LRP1B: variants seen among roughly 807,000 people sequenced by gnomAD.
LRP1B encodes LDL receptor related protein 1B, also known as low-density lipoprotein receptor-related protein 1B.
A neutral mutation model predicts 556.6 loss-of-function variants in LRP1B; 217 were observed. The observed-to-expected ratio is 0.39, with a 90% CI of 0.35 to 0.44. The LOEUF (loss-of-function observed/expected upper bound fraction) is 0.44, where lower values mean the gene tolerates loss of function less well. LRP1B is among the 20% of genes least tolerant of loss of function. The pLI is 1.00. For synonymous variants in LRP1B, 2,047 were observed against 1,865.8 expected, an observed-to-expected ratio of 1.10 and a Z score of -2.50; for missense variants, 5,053 against 5,620.8, an observed-to-expected ratio of 0.90 and a Z score of 3.23.
At chr2:140,572,048 A>G (rs954687083) in intron 43 of LRP1B, among the ~76,000 whole-genome samples, 1 of 151,756 alleles carries the variant, frequency 6.6e-6, no homozygotes, top group Non-Finnish European at 1.5e-5. Flanking sequence ...CTAAAAGAAA[A>G]CATAAAGGAA....
chr2:141,626,255 C>T (rs1370787192), intron 2 of LRP1B, among the ~76,000 whole-genome samples: 1 of 152,070 alleles, frequency 6.6e-6, no homozygotes, highest in East Asian at 1.9e-4. Context: ...AATTGGAATC[C>T]ATATGTTAAA....
intron 72 of LRP1B, among the ~76,000 whole-genome samples, chr2:140,363,620 C>G (rs950271277): frequency 6.6e-6 from 1 of 151,428 alleles, no homozygotes; most frequent in Non-Finnish European, 1.5e-5. Context: ...AAAACTGAAG[C>G]TGAAACTTAG....
Position 141,629,027 on chromosome 2 carries a change from C to T in LRP1B, c.206-148494G>A, listed in dbSNP as rs139970449. On this transcript the variant is annotated intron_variant, in intron 2 of 90. Transcript: ENST00000389484. ...CCAATCTGTATAAGCATTATCTCCA[C>T]GTATACATGAGAATCATAATGTCCA... Among the ~76,000 whole-genome samples the T allele has an allele frequency of 2.7e-3, 408 of 152,240 alleles. 2 individuals carry two copies. Among genetic ancestry groups the T allele is most frequent in the African/African-American group, 8.9e-3 (371 of 41,542 alleles).
chr2:140,843,226 G>A (rs1692176180), intron 29 of LRP1B, among the ~76,000 whole-genome samples: 1 of 151,396 alleles, frequency 6.6e-6, no homozygotes, highest in Non-Finnish European at 1.5e-5. Flanking sequence ...AAATTGTAAA[G>A]CATAGCCAAA....
intron 1 of LRP1B, among the ~76,000 whole-genome samples, chr2:142,071,468 C>A (rs1705306890): frequency 6.6e-6 from 1 of 151,702 alleles, no homozygotes; most frequent in Admixed American, 6.6e-5. Context: ...TAGACCTGTA[C>A]AGTTGGAAAT....
chr2:142,058,760 C>T (rs2104887483), intron 1 of LRP1B, among the ~76,000 whole-genome samples: 1 of 152,142 alleles, frequency 6.6e-6, no homozygotes, highest in Non-Finnish European at 1.5e-5. Flanking sequence ...TATAAACAAA[C>T]TGAAGATAAA....
chr2:140,433,832 TTTC>T (rs1686056575), intron 66 of LRP1B, among the ~76,000 whole-genome samples: 1 of 151,956 alleles, frequency 6.6e-6, no homozygotes, highest in Non-Finnish European at 1.5e-5. Flanking sequence ...CTGTTTTTTT[TTTC>T]TTCTTTTTTT....
At position 140,699,977 on chromosome 2, in the gene LRP1B, G is replaced by A. The variant is rs1468176745; in HGVS notation, c.6799+273C>T. The stretch of plus-strand genomic sequence containing the variant: ...AAAATGATTTTTCATGAATTTTAGT[G>A]CAGTTATTTATAAGAAACATTATGA... On this transcript the variant is annotated intron_variant, in intron 41 of 90. Transcript: ENST00000389484. Among the ~76,000 whole-genome samples, 8 of 148,734 alleles carry A rather than the reference G, an allele frequency of 5.4e-5. No homozygotes were observed. In the Admixed American group the frequency reaches 5.5e-4, roughly 10 times the overall value.
intron 20 of LRP1B, among the ~76,000 whole-genome samples, chr2:140,948,090 A>C (rs1174622753): frequency 1.3e-5 from 2 of 152,184 alleles, no homozygotes; most frequent in Non-Finnish European, 2.9e-5. Context: ...CAATCTTTTA[A>C]AAATTTCATA....
At chr2:141,320,724 T>C (rs950176956) in intron 3 of LRP1B, among the ~76,000 whole-genome samples, 13 of 152,126 alleles carry the variant, frequency 8.5e-5, no homozygotes, top group Non-Finnish European at 1.6e-4. Flanking sequence ...AGTTAAGATG[T>C]GCTTCCTCAT....
At chr2:140,913,812 A>C (rs2105242314) in intron 21 of LRP1B, among the ~76,000 whole-genome samples, 1 of 152,218 alleles carries the variant, frequency 6.6e-6, no homozygotes, top group East Asian at 1.9e-4. Context: ...TGAGCTATAT[A>C]CATAGAACCA....
intron 1 of LRP1B, among the ~76,000 whole-genome samples, chr2:142,117,577 G>T (rs776444454): frequency 1.3e-5 from 2 of 151,906 alleles, no homozygotes; most frequent in Non-Finnish European, 2.9e-5. Context: ...TTGCTTTATT[G>T]GTTCCCACAA....
chr2:140,411,691 C>T, intron 66 of LRP1B, among the ~76,000 whole-genome samples: 1 of 152,050 alleles, frequency 6.6e-6, no homozygotes. Flanking sequence ...TTCTGATTCT[C>T]TGTTTTCTCA....
intron 2 of LRP1B, among the ~76,000 whole-genome samples, chr2:141,631,415 G>A (rs1343493362): frequency 6.6e-6 from 1 of 151,606 alleles, no homozygotes; most frequent in Non-Finnish European, 1.5e-5. Context: ...AAAATTATAG[G>A]AGATCATTGT....
intron 35 of LRP1B, among the ~76,000 whole-genome samples, chr2:140,723,922 T>C (rs1465050878): frequency 6.6e-6 from 1 of 152,154 alleles, no homozygotes; most frequent in Admixed American, 6.5e-5. Context: ...CAACAACAAC[T>C]ATATAACCTT....
At chr2:141,899,850 G>A (rs1699563001) in intron 1 of LRP1B, among the ~76,000 whole-genome samples, 1 of 151,892 alleles carries the variant, frequency 6.6e-6, no homozygotes, top group South Asian at 2.1e-4. Context: ...GTTGTATCTG[G>A]CCACCCCCTG....
At chr2:140,450,479 G>A (rs1686838803) in intron 63 of LRP1B, 89 bp downstream of exon 63, 3 of 953,828 alleles carry the variant, frequency 3.1e-6, no homozygotes, top group East Asian at 4.8e-5. Flanking sequence ...AGTGTCAGAA[G>A]GCAATACTTT....
Position 140,770,885 on chromosome 2 carries a change from A to G in LRP1B, c.5622T>C (p.Cys1874=), listed in dbSNP as rs2104938811. Residue 1874 remains cysteine (C), a synonymous_variant, in exon 34 of 91, where the codon TGT becomes TGC. Transcript: ENST00000389484. ...GYYLQKNRMS[C]QGIESFLMYS... is the part of the protein sequence containing the mutation. ...AGGTTTTTCATGAACTCATACCTTG[A>G]CATGACATACGGTTCTTTTGGAGAT... 1 of 1,555,022 alleles carries G rather than the reference A, an allele frequency of 6.4e-7. No homozygotes were observed. The highest frequency in any genetic ancestry group is 8.6e-7 in the Non-Finnish European group (1 of 1,158,006).
At chr2:141,911,976 T>C (rs1405923652) in intron 1 of LRP1B, among the ~76,000 whole-genome samples, 3 of 152,210 alleles carry the variant, frequency 2.0e-5, no homozygotes, top group Admixed American at 1.3e-4. Flanking sequence ...CAATTGTCAG[T>C]ATTCTAATGA....
Sources: allele counts gnomAD v4.1 joint callset (sites outside exome capture counted in the v4.1 genomes callset), GRCh38; gene constraint gnomAD v4.1.1; transcripts MANE v1.5; gene names NCBI Gene and HGNC (gene_info 2026-07-23, HGNC 2026-07-21).